The following DNAH1 variants were observed in gnomAD, a reference collection of about 807,000 sequenced individuals.
DNAH1 encodes axonemal beta dynein heavy chain 1.
DNAH1 carries 327 observed loss-of-function variants against 484.3 expected under a neutral mutation model. The observed-to-expected ratio is 0.68, with a 90% confidence interval of 0.62 to 0.74. The LOEUF is 0.74. Ranked by LOEUF, DNAH1 falls within the 30% of genes least tolerant of loss-of-function variation. The pLI is 0.00. For missense variants in DNAH1, 5,052 were observed against 5,546.8 expected, an observed-to-expected ratio of 0.91 and a Z score of 2.83; for synonymous variants, 2,192 against 2,191.9, an observed-to-expected ratio of 1.00 and a Z score of 0.00.
In DNAH1 at chr3:52,381,768, G is replaced by A. The variant is rs748537276; in HGVS notation, c.7737G>A (p.Leu2579=). 2 of 1,605,962 alleles carry A rather than the reference G, an allele frequency of 1.2e-6. No individual in the cohort carries two copies. The highest frequency in any genetic ancestry group is 2.7e-5 in the African/African-American group (2 of 74,780). ...TCAGCCGCACCCTACGCCAGGCGCTGGGCAATGCACTCCTGCTGGGCGTGG... is the reference window on the plus strand; with the variant it reads ...TCAGCCGCACCCTACGCCAGGCGCTAGGCAATGCACTCCTGCTGGGCGTGG... ...CRISRTLRQA[L]GNALLLGVGG... The change falls in exon 49 of 78, where the codon CTG becomes CTA. Residue 2579 remains leucine, a synonymous_variant. Transcript: ENST00000420323. This position sits in a 1 kb window ranked among gnomAD's most constrained non-coding sequence, Gnocchi z 4.1.
chr3:52,372,443 AGCT>A lies in DNAH1; in HGVS notation c.6827+61_6827+63del, dbSNP rs1015935845. The A allele has an allele frequency of 1.0e-5, 16 of 1,596,434 alleles. No individual in the cohort carries two copies. In the African/African-American group the frequency reaches 2.0e-4, roughly 20 times the overall value. ...TGCATCCTCCCAGCCTGGCCGATCC[AGCT>A]GCTGTCCCACCTCTCCACCAAATTA... On this transcript the variant is annotated intron_variant, in intron 43 of 77. Transcript: ENST00000420323.
At chr3:52,393,309 C>T in intron 65 of DNAH1, 25 bp from the exon 66 acceptor site, 2 of 1,612,144 alleles carry the variant, frequency 1.2e-6, no homozygotes, top group Non-Finnish European at 1.7e-6. Flanking sequence ...CCTCTCCGCG[C>T]TGCCATCACT....
rs556409465 is a variant in DNAH1, at chr3:52,320,800, C to CTT, written c.-34-1590_-34-1589dup. Among the ~76,000 whole-genome samples the CTT allele has an allele frequency of 7.8e-4, 97 of 125,032 alleles. 1 individual carries two copies. Among genetic ancestry groups the CTT allele is most frequent in the Middle Eastern group, 4.3e-3 (1 of 232 alleles). The allele number at this position is 125,032 out of a possible 152,430, so 82.0% of individuals were successfully genotyped here. Reference sequence around the variant, plus strand: ...TGCTTTCCTTTTCTTTCTTTCTTTCCTTTTTTTTTTTTTTTTTTTTGACGG... The same window carrying CTT: ...TGCTTTCCTTTTCTTTCTTTCTTTCCTTTTTTTTTTTTTTTTTTTTTTGACGG... On this transcript the variant is annotated intron_variant, in intron 1 of 77. Coordinates refer to ENST00000420323, the MANE Select transcript of DNAH1 (RefSeq NM_015512.5).
rs529533621 is a variant in DNAH1, at chr3:52,358,821, G to C, written c.4266+84G>C. 6.5e-6 allele frequency: 10 copies of C among 1,533,896 alleles called. No homozygotes were observed. In the African/African-American group the frequency reaches 6.9e-5, roughly 11 times the overall value. ...TGCCCCTCCTGCTCTAGCCGGCCTC[G>C]TCCTCAGGCTGCAGCCCTGAGGTCC... On this transcript the variant is annotated intron_variant, in intron 25 of 77. Coordinates refer to ENST00000420323, the MANE Select transcript of DNAH1 (RefSeq NM_015512.5). This position sits in a 1 kb window ranked among gnomAD's most constrained non-coding sequence, Gnocchi z 4.2.
chr3:52,346,568 G>A lies in DNAH1; in HGVS notation c.1753G>A (p.Glu585Lys), dbSNP rs772253991. 6.2e-6 allele frequency: 10 copies of A among 1,613,940 alleles called. No individual in the cohort carries two copies. The highest frequency in any genetic ancestry group is 1.1e-5 in the South Asian group (1 of 91,086). Residue 585 changes from glutamate (E) to lysine (K), a missense_variant, in exon 11 of 78, where the codon GAG (glutamate) becomes AAG (lysine). Coordinates refer to ENST00000420323, the MANE Select transcript of DNAH1 (RefSeq NM_015512.5). Reference protein sequence around the residue: ...DMSKGWYNLYETNWEVYLMSK... With the variant: ...DMSKGWYNLYKTNWEVYLMSK... The stretch of plus-strand genomic sequence containing the variant: ...GAGCAAGGGCTGGTACAACCTCTAC[G>A]AGACCAACTGGGAGGTGTACCTCAT...
At chr3:52,322,824 T>C in intron 2 of DNAH1, 49 bp downstream of exon 2, 1 of 1,479,078 alleles carries the variant, frequency 6.8e-7, no homozygotes, top group Non-Finnish European at 9.3e-7. Flanking sequence ...TCCTCTGGGC[T>C]CCGTTCACCC....
chr3:52,332,122 C>T lies in DNAH1; in HGVS notation c.1034-20C>T. 1 of 1,544,934 alleles carries T rather than the reference C, an allele frequency of 6.5e-7. No individual in the cohort carries two copies. Among genetic ancestry groups the T allele is most frequent in the South Asian group, 1.2e-5 (1 of 84,082 alleles). On this transcript the variant is annotated intron_variant, in intron 7 of 77. Coordinates refer to ENST00000420323, the MANE Select transcript of DNAH1 (RefSeq NM_015512.5). ...AAAGCCTGATTGTGTGTCCCCTTCTCCCTCTCACCCGGCCCCCAGGAAGGC... is the reference window on the plus strand; with the variant it reads ...AAAGCCTGATTGTGTGTCCCCTTCTTCCTCTCACCCGGCCCCCAGGAAGGC...
Position 52,326,828 on chromosome 3 carries a change from C to T in DNAH1, c.675C>T (p.His225=), listed in dbSNP as rs1417428445. The T allele has an allele frequency of 6.2e-7, 1 of 1,613,736 alleles. No homozygotes were observed. Residue 225 remains histidine (H), a synonymous_variant, in exon 5 of 78, where the codon CAC becomes CAT. Coordinates refer to ENST00000420323, the MANE Select transcript of DNAH1 (RefSeq NM_015512.5). Reference sequence around the variant, plus strand: ...AGCTCATGCCCAGGCACCTGGACCACCAGCACCCCCAAACCATCGAACAGG... The same window carrying T: ...AGCTCATGCCCAGGCACCTGGACCATCAGCACCCCCAAACCATCGAACAGG... The part of the protein sequence containing the change: ...SNKLMPRHLD[H]QHPQTIEQGH...
At position 52,347,957 on chromosome 3, in the gene DNAH1, G is replaced by A. The variant is rs757769710; in HGVS notation, c.2089G>A (p.Val697Met). The A allele has an allele frequency of 1.9e-5, 30 of 1,609,614 alleles. No individual in the cohort carries two copies. Among genetic ancestry groups the A allele is most frequent in the South Asian group, 3.3e-5 (3 of 90,018 alleles). The change falls in exon 12 of 78, where the codon GTG (valine) becomes ATG (methionine). Residue 697 changes from valine (V) to methionine (M), a missense_variant. This residue lies in a region of DNAH1 where 1,263 missense variants were observed against 1,218.8 expected (regional missense o/e 1.04). Coordinates refer to ENST00000420323, the MANE Select transcript of DNAH1 (RefSeq NM_015512.5). ...FDKGILATHA[V>M]PQLEKLVMED... ...CAAGGGCATCCTGGCCACCCATGCCGTGCCCCAGCTGGAGAAGGTACGTGC... is the reference window on the plus strand; with the variant it reads ...CAAGGGCATCCTGGCCACCCATGCCATGCCCCAGCTGGAGAAGGTACGTGC...
At chr3:52,357,867 A>AC (rs1388088293) in intron 23 of DNAH1, 31 bp from the exon 24 acceptor site, 1 of 1,603,256 alleles carries the variant, frequency 6.2e-7, no homozygotes. Context: ...AGCCTGCACG[A>AC]CCCGCTTCCT....
chr3:52,356,830 C>G (rs1287779853), intron 22 of DNAH1, 52 bp downstream of exon 22: 3 of 1,548,836 alleles, frequency 1.9e-6, no homozygotes, highest in Non-Finnish European at 1.7e-6. Context: ...GGGCCCTGGT[C>G]ACATTGCTGG....
intron 63 of DNAH1, 151 bp from the exon 64 acceptor site, chr3:52,392,313 T>G: frequency 1.5e-6 from 1 of 683,740 alleles, no homozygotes; most frequent in Non-Finnish European, 2.5e-6. Flanking sequence ...CCCTGCAGCC[T>G]GAGATGGAGG....
intron 10 of DNAH1, among the ~76,000 whole-genome samples, chr3:52,345,989 C>T (rs992747379): frequency 6.6e-6 from 1 of 152,194 alleles, no homozygotes; most frequent in Non-Finnish European, 1.5e-5. Flanking sequence ...GAAGCAGATC[C>T]CTTGTCTTAG....
At chr3:52,316,795 A>G (rs1700965811) in intron 1 of DNAH1, among the ~76,000 whole-genome samples, 1 of 152,244 alleles carries the variant, frequency 6.6e-6, no homozygotes. Flanking sequence ...TAAAATGCCA[A>G]GTAAAATTCA....
At chr3:52,347,696 G>A (rs374530577) in intron 11 of DNAH1, 128 bp from the exon 12 acceptor site, 24 of 1,166,128 alleles carry the variant, frequency 2.1e-5, no homozygotes, top group African/African-American at 1.4e-4. Flanking sequence ...TGTGTGGGAC[G>A]AAGGAGAAGG....
Position 52,358,730 on chromosome 3 carries a change from A to T in DNAH1, c.4259A>T (p.Tyr1420Phe). 1 of 1,612,244 alleles carries T rather than the reference A, an allele frequency of 6.2e-7. No individual in the cohort carries two copies. The highest frequency in any genetic ancestry group is 8.5e-7 in the Non-Finnish European group (1 of 1,179,586). ...ATCATTGAGAAGGCCATCAGGGCCTACCCCACGGTGAGCCGCCCGCAGCCC... is the reference window on the plus strand; with the variant it reads ...ATCATTGAGAAGGCCATCAGGGCCTTCCCCACGGTGAGCCGCCCGCAGCCC... ...HDIIEKAIRA[Y>F]PTMPRTQWVL... Residue 1420 changes from tyrosine (Y) to phenylalanine (F), a missense_variant, in exon 25 of 78, where the codon TAC becomes TTC. Physicochemically the swap from Tyr to Phe is conservative, Grantham distance 22. Coordinates refer to ENST00000420323, the MANE Select transcript of DNAH1 (RefSeq NM_015512.5). The surrounding 1 kb of genome is among the most constrained non-coding windows in gnomAD (Gnocchi z 4.2).
At chr3:52,366,672 C>T (rs1703089202) in intron 35 of DNAH1, 61 bp from the exon 36 acceptor site, 1 of 1,574,152 alleles carries the variant, frequency 6.4e-7, no homozygotes, top group Admixed American at 1.7e-5. Context: ...CTCCCCTTGG[C>T]CCCCAGCCCA....
intron 1 of DNAH1, among the ~76,000 whole-genome samples, chr3:52,317,629 G>A (rs563518245): frequency 6.6e-6 from 1 of 152,260 alleles, no homozygotes; most frequent in Non-Finnish European, 1.5e-5. Context: ...GGCACAGGAG[G>A]GAAGATGGGT....
intron 8 of DNAH1, among the ~76,000 whole-genome samples, chr3:52,340,408 T>TTTTA (rs55652606): frequency 0.23 from 34,152 of 148,178 alleles, 4,882 homozygotes; most frequent in African/African-American, 0.41. Context: ...TCTGGTAGGA[T>TTTTA]TTTATTTATT....
Sources: gnomAD v4.1 joint callset for allele counts (sites outside exome capture counted in the v4.1 genomes callset) on GRCh38, gnomAD v4.1.1 for gene constraint, gnomAD v4.1.1 regional missense constraint, Gnocchi (gnomAD v3.1) non-coding constraint, MANE v1.5 for transcripts, NCBI Gene and HGNC (gene_info 2026-07-23, HGNC 2026-07-21) for gene names.